The following R3HDM2 variants were observed in gnomAD, a reference collection of about 807,000 sequenced individuals.
R3HDM2 encodes the protein R3H domain containing 2.
A neutral mutation model predicts 124.5 loss-of-function variants in R3HDM2; 38 were observed. The observed-to-expected ratio is 0.31, with a 90% CI of 0.24 to 0.40. R3HDM2 has a LOEUF of 0.40. R3HDM2 is among the 10% of genes least tolerant of loss of function. The pLI is 1.00. For synonymous variants in R3HDM2, 391 were observed against 448.0 expected (o/e 0.87, Z 1.61); for missense variants, 869 against 1,236.9 (o/e 0.70, Z 4.46).
At chr12:57,284,187 T>C (rs1251409879) in intron 12 of R3HDM2, 131 bp from the exon 13 acceptor site, 2 of 864,662 alleles carry the variant, frequency 2.3e-6, no homozygotes, top group Non-Finnish European at 1.8e-6. Flanking sequence ...CACTGACTTA[T>C]TGTTAGTTGG....
chr12:57,383,377 G>A (rs993314562), intron 2 of R3HDM2, among the ~76,000 whole-genome samples: 9 of 152,006 alleles, frequency 5.9e-5, no homozygotes, highest in Admixed American at 3.9e-4. Context: ...AATACATTGG[G>A]ATCACAATTT....
intron 7 of R3HDM2, 55 bp downstream of exon 7, chr12:57,298,035 T>C: frequency 1.5e-6 from 2 of 1,341,736 alleles, no homozygotes; most frequent in Non-Finnish European, 2.1e-6. Flanking sequence ...GTTTGGCCTC[T>C]TGGAATCTTG....
At chr12:57,305,184 C>A (rs1566059254) in intron 3 of R3HDM2, among the ~76,000 whole-genome samples, 2 of 151,332 alleles carry the variant, frequency 1.3e-5, no homozygotes, top group East Asian at 1.9e-4. Context: ...GGCTCCGTTT[C>A]AAAAAAAATA....
chr12:57,399,901 T>A (rs888479931), intron 1 of R3HDM2, among the ~76,000 whole-genome samples: 4 of 152,220 alleles, frequency 2.6e-5, no homozygotes, highest in African/African-American at 4.8e-5. Flanking sequence ...AGGGGCTCAC[T>A]GTGCTGACAT....
chr12:57,295,550 C>G, intron 9 of R3HDM2, 43 bp from the exon 10 acceptor site: 1 of 1,430,712 alleles, frequency 7.0e-7, no homozygotes, highest in Non-Finnish European at 9.6e-7. Context: ...AGGACAAAGA[C>G]CGTTTTGTTA....
chr12:57,321,494 T>C (rs1219728676), intron 2 of R3HDM2, among the ~76,000 whole-genome samples: 2 of 151,976 alleles, frequency 1.3e-5, no homozygotes, highest in African/African-American at 4.8e-5. Flanking sequence ...CTACTAAAAA[T>C]GCAAAAATTA....
intron 2 of R3HDM2, among the ~76,000 whole-genome samples, chr12:57,318,731 CTT>C: frequency 6.6e-6 from 1 of 152,104 alleles, no homozygotes; most frequent in East Asian, 1.9e-4. Flanking sequence ...TCAGCTAAAA[CTT>C]TTGAGTGCTT....
intron 2 of R3HDM2, among the ~76,000 whole-genome samples, chr12:57,393,946 GAT>G (rs1243960544): frequency 6.6e-6 from 1 of 152,100 alleles, no homozygotes; most frequent in Non-Finnish European, 1.5e-5. Flanking sequence ...AGGAGAAAAA[GAT>G]ATTCCCAGAT....
At chr12:57,278,749 AAGAT>A (rs2045444877) in intron 14 of R3HDM2, among the ~76,000 whole-genome samples, 1 of 152,214 alleles carries the variant, frequency 6.6e-6, no homozygotes, top group South Asian at 2.1e-4. Flanking sequence ...GACTTAGACT[AAGAT>A]AGAGGACTGC....
intron 1 of R3HDM2, among the ~76,000 whole-genome samples, chr12:57,419,747 C>T (rs1015417157): frequency 6.6e-6 from 1 of 151,970 alleles, no homozygotes; most frequent in African/African-American, 2.4e-5. Flanking sequence ...CAGCCTCATA[C>T]CATATTCTTT....
intron 2 of R3HDM2, among the ~76,000 whole-genome samples, chr12:57,338,457 A>G (rs1016518324): frequency 3.3e-5 from 5 of 152,356 alleles, no homozygotes; most frequent in African/African-American, 1.2e-4. Context: ...ATATTAGTAC[A>G]GAATTTGTAT....
intron 12 of R3HDM2, among the ~76,000 whole-genome samples, chr12:57,288,372 GTA>G (rs1185484898): frequency 2.0e-5 from 3 of 150,986 alleles, no homozygotes; most frequent in Non-Finnish European, 4.4e-5. Flanking sequence ...AAAGGTGTCC[GTA>G]TATGTCTCTC....
chr12:57,259,518 G>C lies in R3HDM2; in HGVS notation c.2132-459C>G, dbSNP rs144963215. Among the ~76,000 whole-genome samples the C allele has an allele frequency of 1.8e-3, 278 of 152,304 alleles. 1 individual carries two copies. The highest frequency in any genetic ancestry group is 4.4e-3 in the South Asian group (21 of 4,824). On this transcript the variant is annotated intron_variant, in intron 19 of 23. Coordinates refer to ENST00000402412, the MANE Select transcript of R3HDM2 (RefSeq NM_001394031.1). ...GTTCTGGAGAAGATAAATCCACATA[G>C]TTTCACTATGCCAGACCCAGAAAGT...
intron 2 of R3HDM2, among the ~76,000 whole-genome samples, chr12:57,358,925 CTTT>C (rs567382472): frequency 2.8e-5 from 4 of 144,534 alleles, no homozygotes; most frequent in African/African-American, 1.0e-4. Flanking sequence ...AAATTTTTTT[CTTT>C]TTTTTTTTTG....
chr12:57,399,062 C>G (rs1337751102), intron 1 of R3HDM2, among the ~76,000 whole-genome samples: 1 of 152,144 alleles, frequency 6.6e-6, no homozygotes, highest in Non-Finnish European at 1.5e-5. Flanking sequence ...GATAACTTCA[C>G]AGGAGTGGAA....
At chr12:57,383,101 G>A (rs145457248) in intron 2 of R3HDM2, among the ~76,000 whole-genome samples, 75 of 151,816 alleles carry the variant, frequency 4.9e-4, no homozygotes, top group African/African-American at 1.6e-3. Flanking sequence ...GTGATCCACC[G>A]GCCTTGGCCT....
chr12:57,295,357 C>T (rs1480065855), intron 10 of R3HDM2, 42 bp downstream of exon 10: 1 of 1,381,092 alleles, frequency 7.2e-7, no homozygotes. Context: ...GTTTCTCTTA[C>T]TGCAAACTCT....
chr12:57,356,966 C>G (rs1249124225), intron 2 of R3HDM2, among the ~76,000 whole-genome samples: 1 of 151,668 alleles, frequency 6.6e-6, no homozygotes, highest in East Asian at 1.9e-4. Flanking sequence ...ATTAGACAGG[C>G]GTGGTGGCGG....
chr12:57,287,668 G>C (rs898094990), intron 12 of R3HDM2, among the ~76,000 whole-genome samples: 6 of 152,196 alleles, frequency 3.9e-5, no homozygotes, highest in African/African-American at 1.2e-4. Flanking sequence ...TAGTCAATAA[G>C]AGAGAAACCC....
Sources: allele counts gnomAD v4.1 joint callset (sites outside exome capture counted in the v4.1 genomes callset), GRCh38; gene constraint gnomAD v4.1.1; transcripts MANE v1.5; gene names NCBI Gene and HGNC (gene_info 2026-07-23, HGNC 2026-07-21).